Variants in TOGARAM1 observed in about 807,000 individuals in gnomAD.
TOGARAM1 encodes the protein TOG array regulator of axonemal microtubules protein 1.
Under a neutral mutation model 166.6 loss-of-function variants are expected in TOGARAM1, and 100 were observed. The ratio of observed to expected loss-of-function variants is 0.60; its 90% CI spans 0.51 to 0.71. TOGARAM1 has a LOEUF of 0.71. TOGARAM1 is among the 30% of genes least tolerant of loss of function. TOGARAM1 has a pLI of 0.00. For synonymous variants in TOGARAM1, 758 were observed against 763.8 expected, an observed-to-expected ratio of 0.99 and a Z score of 0.13; for missense variants, 2,029 against 2,102.7, an observed-to-expected ratio of 0.96 and a Z score of 0.69.
chr14:44,972,774 T>C (rs543746721), intron 1 of TOGARAM1, among the ~76,000 whole-genome samples: 7 of 152,202 alleles, frequency 4.6e-5, no homozygotes, highest in Non-Finnish European at 7.4e-5. Context: ...TTAAAATGGG[T>C]TTCTTGTAGA....
intron 7 of TOGARAM1, chr14:45,025,434 C>T (rs372105709): frequency 5.3e-5 from 9 of 170,892 alleles, no homozygotes; most frequent in African/African-American, 1.2e-4. Flanking sequence ...CATGGTGGTG[C>T]GTACCTGTAA....
intron 7 of TOGARAM1, among the ~76,000 whole-genome samples, chr14:45,019,889 T>C (rs1043487960): frequency 6.6e-6 from 1 of 152,096 alleles, no homozygotes; most frequent in South Asian, 2.1e-4. Flanking sequence ...TCCTGCTGAA[T>C]TGGGGCATAG....
Position 45,008,976 on chromosome 14 carries a change from A to G in TOGARAM1, c.2968A>G (p.Ser990Gly), listed in dbSNP as rs375053194. ...TAAGAAAAGAGCAAAACTGAGTGGCAGTACTTCAGATCTTGAAAGCCCTGA... is the reference window on the plus strand; with the variant it reads ...TAAGAAAAGAGCAAAACTGAGTGGCGGTACTTCAGATCTTGAAAGCCCTGA... ...AAKKRAKLSG[S>G]TSDLESPDSA... The change falls in exon 6 of 20, where the codon AGT (serine) becomes GGT (glycine). Residue 990 changes from serine (S) to glycine (G), a missense_variant. Physicochemically the swap from Ser to Gly is moderately conservative, Grantham distance 56. This residue lies in a region of TOGARAM1 where 1,453 missense variants were observed against 1,432.2 expected (regional missense o/e 1.01). Transcript: ENST00000361462. 5 of 1,614,012 alleles carry G rather than the reference A, an allele frequency of 3.1e-6. No individual in the cohort carries two copies. The African/African-American group carries it at 5.3e-5, about 17-fold the overall frequency.
At chr14:45,022,791 A>G (rs1442485978) in intron 7 of TOGARAM1, 1 of 150,976 alleles carries the variant, frequency 6.6e-6, no homozygotes, top group African/African-American at 2.4e-5. Context: ...CTGCTTGGTG[A>G]TTCCCTTCTA....
chr14:44,993,643 T>C (rs1011569436), intron 1 of TOGARAM1, among the ~76,000 whole-genome samples: 2 of 152,208 alleles, frequency 1.3e-5, no homozygotes, highest in African/African-American at 4.8e-5. Flanking sequence ...GAAAATCTTT[T>C]ACTTTTAAGA....
intron 1 of TOGARAM1, among the ~76,000 whole-genome samples, chr14:44,989,034 C>T (rs1886997643): frequency 6.6e-6 from 1 of 152,230 alleles, no homozygotes; most frequent in African/African-American, 2.4e-5. Flanking sequence ...TTCCAAATTC[C>T]TGTTCCACTG....
In TOGARAM1 at chr14:45,073,635, T is replaced by C; in HGVS notation, c.*74T>C. ...AAATGGAACTTTCTAAAAGTTATGTTATCAGTGCCTGCACTTCACATCCAG... is the reference window on the plus strand; with the variant it reads ...AAATGGAACTTTCTAAAAGTTATGTCATCAGTGCCTGCACTTCACATCCAG... On this transcript the variant is annotated 3_prime_UTR_variant, in exon 20 of 20. Coordinates refer to ENST00000361462, the MANE Select transcript of TOGARAM1 (RefSeq NM_001308120.2). The C allele has an allele frequency of 7.2e-7, 1 of 1,389,940 alleles. No individual in the cohort carries two copies. The highest frequency in any genetic ancestry group is 1.4e-5 in the South Asian group (1 of 72,552). The allele number at this position is 1,389,940 out of a possible 1,614,324, so 86.1% of individuals were successfully genotyped here.
In TOGARAM1 at chr14:45,048,892, G is replaced by A. The variant is rs546419594; in HGVS notation, c.4313+2189G>A. ...CTCAGGAGGCTGAAGCAGGAGAATT[G>A]CTTGAACCTAGGAAGTGGAGGTTGC... On this transcript the variant is annotated intron_variant, in intron 14 of 19. Transcript: ENST00000361462. 3.0e-3 allele frequency among the ~76,000 whole-genome samples: 451 copies of A among 151,982 alleles called. 2 individuals are homozygous for A. Among genetic ancestry groups the A allele is most frequent in the African/African-American group, 0.011 (439 of 41,458 alleles).
chr14:45,069,239 C>T (rs367939462), intron 18 of TOGARAM1, among the ~76,000 whole-genome samples: 3 of 151,936 alleles, frequency 2.0e-5, no homozygotes, highest in Middle Eastern at 3.4e-3. Context: ...TGTGGTGGTG[C>T]GTGCCTGTAA....
chr14:45,066,810 T>A, intron 17 of TOGARAM1, 43 bp downstream of exon 17: 2 of 1,531,358 alleles, frequency 1.3e-6, no homozygotes, highest in African/African-American at 2.7e-5. Context: ...GTATGGTGGC[T>A]CACGCCTGTA....
intron 14 of TOGARAM1, among the ~76,000 whole-genome samples, chr14:45,049,721 C>A (rs2138967466): frequency 6.6e-6 from 1 of 152,056 alleles, no homozygotes; most frequent in South Asian, 2.1e-4. Context: ...CTTTGGGGAA[C>A]CATTTTAAAG....
At chr14:45,024,940 C>CT (rs1178146740) in intron 7 of TOGARAM1, among the ~76,000 whole-genome samples, 1 of 152,098 alleles carries the variant, frequency 6.6e-6, no homozygotes, top group East Asian at 1.9e-4. Context: ...TTTCTCTTTT[C>CT]TTTTTTTGCC....
intron 7 of TOGARAM1, among the ~76,000 whole-genome samples, chr14:45,015,304 CAAAA>C (rs1213990584): frequency 7.4e-6 from 1 of 135,342 alleles, no homozygotes; most frequent in African/African-American, 2.9e-5. Context: ...GAGCCTATCT[CAAAA>C]AATAAATAAA....
chr14:45,070,317 G>A (rs965817755), intron 18 of TOGARAM1, among the ~76,000 whole-genome samples: 21 of 152,178 alleles, frequency 1.4e-4, no homozygotes, highest in Admixed American at 3.9e-4. Flanking sequence ...TAAAACTTGA[G>A]TGACACCATC....
chr14:45,030,928 T>C (rs72672913), intron 10 of TOGARAM1, among the ~76,000 whole-genome samples: 10,595 of 152,236 alleles, frequency 0.07, 496 homozygotes, highest in Non-Finnish European at 0.099. Context: ...TTAGAATACC[T>C]ACCTCAGCTT....
intron 7 of TOGARAM1, among the ~76,000 whole-genome samples, chr14:45,020,627 G>T (rs1197289901): frequency 6.6e-6 from 1 of 151,858 alleles, no homozygotes; most frequent in Non-Finnish European, 1.5e-5. Context: ...CACTAAGAAT[G>T]AGAGGAAGCA....
At chr14:44,978,212 A>G (rs954550219) in intron 1 of TOGARAM1, 1 of 152,200 alleles carries the variant, frequency 6.6e-6, no homozygotes, top group East Asian at 1.9e-4. Flanking sequence ...TTGGAGCAAA[A>G]TACGAGGTAT....
chr14:45,038,891 G>C (rs992011775), intron 11 of TOGARAM1, among the ~76,000 whole-genome samples: 2 of 152,186 alleles, frequency 1.3e-5, no homozygotes, highest in Admixed American at 1.3e-4. Flanking sequence ...GCTTTATTGA[G>C]TAACAGTATA....
At position 44,963,587 on chromosome 14, in the gene TOGARAM1, A is replaced by C. The variant is rs754590882; in HGVS notation, c.1166A>C (p.His389Pro). ...LGKFNPSSTPHSSLVGFISLL... is the reference protein window; with the variant it reads ...LGKFNPSSTPPSSLVGFISLL... ...AAATTTAACCCTAGTTCTACTCCTC[A>C]TTCTAGTCTTGTTGGCTTCATTAGT... Residue 389 changes from histidine to proline, a missense_variant, in exon 1 of 20, where the codon CAT (histidine) becomes CCT (proline). Coordinates refer to ENST00000361462, the MANE Select transcript of TOGARAM1 (RefSeq NM_001308120.2). 10 of 1,613,576 alleles carry C rather than the reference A, an allele frequency of 6.2e-6. No individual in the cohort carries two copies. The highest frequency in any genetic ancestry group is 8.5e-6 in the Non-Finnish European group (10 of 1,179,798).
Sources: allele counts gnomAD v4.1 joint callset (sites outside exome capture counted in the v4.1 genomes callset), GRCh38; gene constraint gnomAD v4.1.1; regional missense constraint gnomAD v4.1.1; transcripts MANE v1.5; gene names NCBI Gene and HGNC (gene_info 2026-07-23, HGNC 2026-07-21).